Variants in KCTD8 observed in about 807,000 individuals in gnomAD.
KCTD8 encodes potassium channel tetramerization domain containing 8, also known as BTB/POZ domain-containing protein KCTD8.
Under a neutral mutation model 31.5 loss-of-function variants are expected in KCTD8, and 27 were observed. The observed-to-expected ratio is 0.86, with a 90% CI of 0.63 to 1.18. The LOEUF (loss-of-function observed/expected upper bound fraction) is 1.18, where lower values mean the gene tolerates loss of function less well. KCTD8 is among the 50% of genes most tolerant of loss of function. The probability of loss-of-function intolerance (pLI) is 0.00; values close to 1 mark genes in which losing one functional copy is unlikely to be tolerated. For missense variants in KCTD8, 658 were observed against 647.7 expected, an observed-to-expected ratio of 1.02 and a Z score of -0.17; for synonymous variants, 290 against 280.0, an observed-to-expected ratio of 1.04 and a Z score of -0.36.
chr4:44,326,067 C>G (rs1170903381), intron 1 of KCTD8, among the ~76,000 whole-genome samples: 2 of 151,958 alleles, frequency 1.3e-5, no homozygotes, highest in African/African-American at 2.4e-5. Context: ...TTGTGTGGAA[C>G]ACATATCCCT....
chr4:44,301,175 A>C (rs1371326556), intron 1 of KCTD8, among the ~76,000 whole-genome samples: 1 of 152,142 alleles, frequency 6.6e-6, no homozygotes, highest in Non-Finnish European at 1.5e-5. Flanking sequence ...CGCAATAAAC[A>C]TATGTGTGCA....
At chr4:44,217,543 C>T (rs564439192) in intron 1 of KCTD8, among the ~76,000 whole-genome samples, 1 of 152,278 alleles carries the variant, frequency 6.6e-6, no homozygotes, top group East Asian at 1.9e-4. Flanking sequence ...AGTATTGTTT[C>T]CGGGTGTGTC....
At chr4:44,260,503 G>A (rs1716130512) in intron 1 of KCTD8, among the ~76,000 whole-genome samples, 1 of 151,924 alleles carries the variant, frequency 6.6e-6, no homozygotes, top group African/African-American at 2.4e-5. Context: ...GGAACAGAGT[G>A]GGGAGAGATA....
intron 1 of KCTD8, among the ~76,000 whole-genome samples, chr4:44,334,452 A>G (rs1718667245): frequency 6.6e-6 from 1 of 152,096 alleles, no homozygotes; most frequent in Admixed American, 6.6e-5. Flanking sequence ...ATCCAGTCAT[A>G]CTAGTTCTGA....
rs1167332019 is a variant in KCTD8 at position 44,175,223 on chromosome 4, T to C, written c.989A>G (p.Lys330Arg). Residue 330 changes from lysine to arginine, a missense_variant, in exon 2 of 2, where the codon AAA becomes AGA. Coordinates refer to ENST00000360029, the MANE Select transcript of KCTD8 (RefSeq NM_198353.3). ...ATGTTTCCTATCTTCATGTTCTTGT[T>C]TAGGTGATACTATTTTCTGAGGTGG... Reference protein sequence around the residue: ...FRPPQKIVSPKQEHEDRKHDK... With the variant: ...FRPPQKIVSPRQEHEDRKHDK... The C allele has an allele frequency of 6.3e-7, 1 of 1,583,002 alleles. No homozygotes were observed. Among genetic ancestry groups the C allele is most frequent in the African/African-American group, 1.4e-5 (1 of 73,612 alleles).
chr4:44,259,689 C>A (rs1716105260), intron 1 of KCTD8, among the ~76,000 whole-genome samples: 1 of 151,906 alleles, frequency 6.6e-6, no homozygotes, highest in South Asian at 2.1e-4. Flanking sequence ...CTGGTTCTTT[C>A]TCTGTACGTG....
chr4:44,326,809 C>A (rs924898298), intron 1 of KCTD8, among the ~76,000 whole-genome samples: 1 of 151,740 alleles, frequency 6.6e-6, no homozygotes, highest in Non-Finnish European at 1.5e-5. Context: ...GAAGGCAAAT[C>A]GTTTTCCAGA....
chr4:44,386,037 A>T (rs1462008152), intron 1 of KCTD8, among the ~76,000 whole-genome samples: 6 of 149,284 alleles, frequency 4.0e-5, no homozygotes, highest in South Asian at 2.1e-4. Flanking sequence ...GTTACTACTT[A>T]AAAAAAAACG....
intron 1 of KCTD8, among the ~76,000 whole-genome samples, chr4:44,191,092 T>C (rs910108595): frequency 6.6e-6 from 1 of 152,198 alleles, no homozygotes; most frequent in Non-Finnish European, 1.5e-5. Flanking sequence ...TTCATGGACA[T>C]ATATCAGTTC....
chr4:44,240,668 G>T (rs1283607148), intron 1 of KCTD8, among the ~76,000 whole-genome samples: 2 of 152,068 alleles, frequency 1.3e-5, no homozygotes, highest in African/African-American at 4.8e-5. Context: ...GTTCATGGAT[G>T]ATTTCTTGCT....
intron 1 of KCTD8, among the ~76,000 whole-genome samples, chr4:44,316,471 C>T (rs1397782009): frequency 2.6e-5 from 4 of 152,092 alleles, no homozygotes; most frequent in Admixed American, 6.6e-5. Flanking sequence ...AGATGTCATG[C>T]TGTTCGTCAT....
At chr4:44,222,346 C>T (rs1475119589) in intron 1 of KCTD8, among the ~76,000 whole-genome samples, 1 of 152,190 alleles carries the variant, frequency 6.6e-6, no homozygotes, top group African/African-American at 2.4e-5. Context: ...CTGAAATCAG[C>T]AGAGACAAAT....
At chr4:44,358,730 G>C (rs941830919) in intron 1 of KCTD8, among the ~76,000 whole-genome samples, 1 of 151,900 alleles carries the variant, frequency 6.6e-6, no homozygotes, top group Non-Finnish European at 1.5e-5. Context: ...CACCACACCC[G>C]GTTAATTTTT....
At chr4:44,253,872 G>A (rs1234199488) in intron 1 of KCTD8, among the ~76,000 whole-genome samples, 2 of 151,920 alleles carry the variant, frequency 1.3e-5, no homozygotes, top group African/African-American at 2.4e-5. Flanking sequence ...AATTGATCCT[G>A]CAAGTGGGGT....
chr4:44,353,103 C>G (rs1719255676), intron 1 of KCTD8, among the ~76,000 whole-genome samples: 1 of 152,074 alleles, frequency 6.6e-6, no homozygotes, highest in African/African-American at 2.4e-5. Flanking sequence ...AAAAAGTTAT[C>G]TTACCACATT....
intron 1 of KCTD8, among the ~76,000 whole-genome samples, chr4:44,179,689 T>G (rs951420928): frequency 2.6e-5 from 4 of 151,380 alleles, no homozygotes; most frequent in African/African-American, 9.7e-5. Context: ...AATAGAATAA[T>G]ATGACTGCTC....
At chr4:44,241,190 C>T (rs1236427012) in intron 1 of KCTD8, among the ~76,000 whole-genome samples, 1 of 152,140 alleles carries the variant, frequency 6.6e-6, no homozygotes, top group East Asian at 1.9e-4. Flanking sequence ...TCTTCTTTTA[C>T]TCTAAACAAA....
At chr4:44,192,833 G>C (rs1380712081) in intron 1 of KCTD8, among the ~76,000 whole-genome samples, 1 of 152,168 alleles carries the variant, frequency 6.6e-6, no homozygotes, top group Non-Finnish European at 1.5e-5. Context: ...AAAGGAGGCA[G>C]AAGAATACGG....
chr4:44,182,228 G>C (rs976221664), intron 1 of KCTD8, among the ~76,000 whole-genome samples: 2 of 145,520 alleles, frequency 1.4e-5, no homozygotes, highest in East Asian at 2.1e-4. Context: ...ACCTCTGCCC[G>C]GCCGCCCCTT....
Sources: gnomAD v4.1 joint callset for allele counts (sites outside exome capture counted in the v4.1 genomes callset) on GRCh38, gnomAD v4.1.1 for gene constraint, MANE v1.5 for transcripts, NCBI Gene and HGNC (gene_info 2026-07-23, HGNC 2026-07-21) for gene names.